MTUS2: variants seen among roughly 807,000 people sequenced by gnomAD.
The protein encoded by MTUS2 is microtubule-associated tumor suppressor candidate 2.
Under a neutral mutation model 114.1 loss-of-function variants are expected in MTUS2, and 40 were observed. That is an observed-to-expected ratio of 0.35 (90% CI 0.27 to 0.46). The LOEUF (loss-of-function observed/expected upper bound fraction) is 0.46. Ranked by LOEUF, MTUS2 falls within the 20% of genes least tolerant of loss-of-function variation. The pLI is 1.00. For synonymous variants in MTUS2, 688 were observed against 672.0 expected, an observed-to-expected ratio of 1.02 and a Z score of -0.37; for missense variants, 1,679 against 1,705.4, an observed-to-expected ratio of 0.98 and a Z score of 0.27.
intron 5 of MTUS2, among the ~76,000 whole-genome samples, chr13:29,117,919 G>A (rs957289320): frequency 5.9e-5 from 9 of 152,162 alleles, no homozygotes; most frequent in Non-Finnish European, 1.3e-4. Context: ...ATGAGCCAGG[G>A]CGGACCCTGT....
chr13:28,927,093 A>G (rs1881366182), intron 2 of MTUS2, among the ~76,000 whole-genome samples: 3 of 152,236 alleles, frequency 2.0e-5, no homozygotes, highest in Admixed American at 6.5e-5. Flanking sequence ...TATAGCATTT[A>G]TAGTAATCAG....
At chr13:29,385,637 TC>T (rs1872582726) in intron 8 of MTUS2, among the ~76,000 whole-genome samples, 1 of 21,516 alleles carries the variant, frequency 4.6e-5, no homozygotes, top group Admixed American at 6.7e-4. Flanking sequence ...GCTGAGCCCT[TC>T]CTTCCTGGTT....
chr13:29,071,719 T>C (rs1593445530), intron 4 of MTUS2, among the ~76,000 whole-genome samples: 1 of 152,136 alleles, frequency 6.6e-6, no homozygotes, highest in East Asian at 1.9e-4. Context: ...ATTCTCTTTA[T>C]ATTCTTCAGG....
intron 1 of MTUS2, among the ~76,000 whole-genome samples, chr13:28,828,415 G>A (rs922996450): frequency 3.9e-5 from 6 of 152,120 alleles, no homozygotes; most frequent in Non-Finnish European, 8.8e-5. Context: ...ACAGGATTAA[G>A]CAATTAAAGT....
intron 8 of MTUS2, among the ~76,000 whole-genome samples, chr13:29,386,097 G>A (rs1872611615): frequency 1.3e-5 from 2 of 152,174 alleles, no homozygotes; most frequent in Admixed American, 1.3e-4. Context: ...TGCATGGAGA[G>A]AATGCATTAC....
intron 14 of MTUS2, among the ~76,000 whole-genome samples, chr13:29,498,810 G>A (rs927298326): frequency 1.2e-4 from 18 of 152,090 alleles, no homozygotes; most frequent in African/African-American, 1.9e-4. Context: ...CTGTCTTCTC[G>A]CCCTCTCTTG....
chr13:29,432,454 A>G (rs1212587246), intron 8 of MTUS2, among the ~76,000 whole-genome samples: 5 of 152,250 alleles, frequency 3.3e-5, no homozygotes, highest in Non-Finnish European at 7.3e-5. Context: ...TTCCTTTTTA[A>G]CAATACGAAA....
rs143863323 is a variant in MTUS2, at chr13:28,981,403, C to T, written c.-242-43054C>T. 5.9e-5 allele frequency among the ~76,000 whole-genome samples: 9 copies of T among 152,116 alleles called. No homozygotes were observed. The East Asian group carries it at 1.7e-3, about 29-fold the overall frequency. ...AGGTAGTTTCCAGGGGCTGAGGGCA[C>T]AGGGAGGGTTGACTACGAAGGAGCT... On this transcript the variant is annotated intron_variant, in intron 2 of 15. Transcript: ENST00000612955.
chr13:29,352,677 G>T (rs116349830), intron 7 of MTUS2, among the ~76,000 whole-genome samples: 4,326 of 152,248 alleles, frequency 0.028, 233 homozygotes, highest in African/African-American at 0.099. Flanking sequence ...CCATGAATCA[G>T]TGTTTTATTT....
chr13:29,405,664 C>G (rs1874694344), intron 8 of MTUS2, among the ~76,000 whole-genome samples: 1 of 151,906 alleles, frequency 6.6e-6, no homozygotes, highest in African/African-American at 2.4e-5. Flanking sequence ...TTGCGAAGCT[C>G]TGATGTGTGT....
intron 12 of MTUS2, 65 bp from the exon 13 acceptor site, chr13:29,497,173 G>T (rs2258198): frequency 0.7 from 1,010,735 of 1,434,612 alleles, 368,306 homozygotes; most frequent in Non-Finnish European, 0.76. Context: ...GATCACAGCT[G>T]CCCAGGCTGT....
intron 1 of MTUS2, among the ~76,000 whole-genome samples, chr13:28,825,088 C>T (rs905469932): frequency 5.9e-5 from 9 of 152,168 alleles, no homozygotes; most frequent in Admixed American, 2.0e-4. Context: ...TTCCTCATGA[C>T]AGCAGCCCCA....
chr13:29,164,923 G>C (rs996129124), intron 5 of MTUS2, among the ~76,000 whole-genome samples: 4 of 152,136 alleles, frequency 2.6e-5, no homozygotes, highest in African/African-American at 9.7e-5. Context: ...GCTTATTTAA[G>C]GTAGAAATGT....
chr13:28,883,217 C>T (rs942005516), intron 2 of MTUS2, among the ~76,000 whole-genome samples: 3 of 152,188 alleles, frequency 2.0e-5, no homozygotes, highest in African/African-American at 7.2e-5. Context: ...TAAAATAGTA[C>T]AGCCACCTTG....
Position 28,903,054 on chromosome 13 carries a change from C to T in MTUS2, c.-243+63204C>T, listed in dbSNP as rs767885063. Among the ~76,000 whole-genome samples the T allele has an allele frequency of 7.2e-5, 11 of 152,070 alleles. No individual in the cohort carries two copies. In the South Asian group the frequency reaches 8.3e-4, roughly 12 times the overall value. On this transcript the variant is annotated intron_variant, in intron 2 of 15. Coordinates refer to ENST00000612955, the MANE Select transcript of MTUS2 (RefSeq NM_001033602.4). ...ATATGGATTGAGTTGTGGTAATTTG[C>T]GGTTTTTGAGAAATTGGACCATTTC...
chr13:29,285,194 CA>C (rs758016740), intron 6 of MTUS2, among the ~76,000 whole-genome samples: 204 of 121,266 alleles, frequency 1.7e-3, no homozygotes, highest in Non-Finnish European at 2.1e-3. Flanking sequence ...AAAACAAAAC[CA>C]AAAAAAAAAA....
intron 11 of MTUS2, chr13:29,488,246 G>GT (rs1226984113): frequency 2.0e-6 from 1 of 505,760 alleles, no homozygotes; most frequent in African/African-American, 1.9e-5. Context: ...GGAATTCCCC[G>GT]TCCCCTGGGG....
intron 1 of MTUS2, among the ~76,000 whole-genome samples, chr13:28,825,270 G>T (rs186046838): frequency 1.9e-3 from 295 of 152,268 alleles, no homozygotes; most frequent in Admixed American, 2.7e-3. Flanking sequence ...GGCTCCCACT[G>T]GTTTGTCATA....
At chr13:29,116,058 G>T (rs1272534227) in intron 5 of MTUS2, among the ~76,000 whole-genome samples, 1 of 152,136 alleles carries the variant, frequency 6.6e-6, no homozygotes, top group Non-Finnish European at 1.5e-5. Context: ...TTTTAACCTG[G>T]AGCATACCGA....
Sources: gnomAD v4.1 joint callset for allele counts (sites outside exome capture counted in the v4.1 genomes callset) on GRCh38, gnomAD v4.1.1 for gene constraint, MANE v1.5 for transcripts, NCBI Gene and HGNC (gene_info 2026-07-23, HGNC 2026-07-21) for gene names.